YPEL2: variants seen among roughly 807,000 people sequenced by gnomAD.
YPEL2 encodes yippee like 2.
YPEL2 carries 2 observed loss-of-function variants against 19.1 expected under a neutral mutation model. The ratio of observed to expected loss-of-function variants is 0.10; its 90% confidence interval spans 0.04 to 0.33. The LOEUF (loss-of-function observed/expected upper bound fraction) is 0.33, where lower values mean the gene tolerates loss of function less well. Among genes scored for constraint, YPEL2 ranks in the 10% least tolerant of loss-of-function variants. The pLI, the probability that YPEL2 is intolerant of heterozygous loss-of-function variation, is 1.00. For synonymous variants in YPEL2, 52 were observed against 50.0 expected (o/e 1.04, Z -0.17); for missense variants, 66 against 140.7 (o/e 0.47, Z 2.68).
At chr17:59,361,562 T>G (rs2147943779) in intron 2 of YPEL2, among the ~76,000 whole-genome samples, 1 of 152,308 alleles carries the variant, frequency 6.6e-6, no homozygotes, top group African/African-American at 2.4e-5. Flanking sequence ...CTAAGACTGG[T>G]AGATTCTCAG....
chr17:59,340,485 A>G (rs112983486), intron 1 of YPEL2, among the ~76,000 whole-genome samples: 6,682 of 146,004 alleles, frequency 0.046, 522 homozygotes, highest in African/African-American at 0.16. Context: ...GTGCGATCTC[A>G]GCTCACTGCA....
chr17:59,391,511 A>T (rs1467578194), intron 4 of YPEL2, among the ~76,000 whole-genome samples: 1 of 152,106 alleles, frequency 6.6e-6, no homozygotes, highest in Non-Finnish European at 1.5e-5. Flanking sequence ...AAAATGTGGA[A>T]ATCATTAAAA....
intron 2 of YPEL2, among the ~76,000 whole-genome samples, chr17:59,377,250 T>G (rs756723801): frequency 1.7e-4 from 26 of 152,098 alleles, no homozygotes; most frequent in Non-Finnish European, 3.2e-4. Flanking sequence ...CTAGGCATAT[T>G]AATTTATATT....
chr17:59,337,311 C>A (rs970090406), intron 1 of YPEL2, among the ~76,000 whole-genome samples: 2 of 151,740 alleles, frequency 1.3e-5, no homozygotes, highest in Admixed American at 1.3e-4. Flanking sequence ...CCTCAGCCTC[C>A]CGAGTAGCTG....
intron 4 of YPEL2, among the ~76,000 whole-genome samples, chr17:59,395,176 T>C (rs1009272292): frequency 6.6e-6 from 1 of 152,188 alleles, no homozygotes. Flanking sequence ...ATGGACCTTA[T>C]TCCCAAAACA....
At chr17:59,339,753 T>C (rs577668559) in intron 1 of YPEL2, among the ~76,000 whole-genome samples, 2 of 152,242 alleles carry the variant, frequency 1.3e-5, no homozygotes, top group Non-Finnish European at 2.9e-5. Flanking sequence ...CTTGGGCAAA[T>C]TGTTCCTTTT....
intron 1 of YPEL2, among the ~76,000 whole-genome samples, chr17:59,352,445 A>G (rs1317040043): frequency 6.6e-6 from 1 of 152,208 alleles, no homozygotes; most frequent in African/African-American, 2.4e-5. Context: ...GTATGGTCCT[A>G]TGGGATGAGT....
chr17:59,352,170 T>C (rs2047790667), intron 1 of YPEL2, among the ~76,000 whole-genome samples: 1 of 152,252 alleles, frequency 6.6e-6, no homozygotes, highest in African/African-American at 2.4e-5. Context: ...CTTCAAAGCA[T>C]GACGCAGGTG....
rs2047976307 is a variant in YPEL2, at chr17:59,385,672, A to G, written c.118-2655A>G. On this transcript the variant is annotated intron_variant, in intron 2 of 4. Coordinates refer to ENST00000312655, the MANE Select transcript of YPEL2 (RefSeq NM_001005404.4). ...TAAGAGGATGAGGAGGGGAGGATTC[A>G]GAGGGATATGAGGAGATGTTTGGGT... Among the ~76,000 whole-genome samples the G allele has an allele frequency of 2.6e-5, 4 of 152,292 alleles. No homozygotes were observed. In the South Asian group the frequency reaches 8.3e-4, roughly 32 times the overall value.
chr17:59,349,358 C>CTTTTTTTTTTTTT (rs58304283), intron 1 of YPEL2, among the ~76,000 whole-genome samples: 11 of 119,212 alleles, frequency 9.2e-5, no homozygotes, highest in African/African-American at 2.6e-4. Flanking sequence ...CCTTTTTTTT[C>CTTTTTTTTTTTTT]TTTTTTTTTT....
At chr17:59,390,988 G>A (rs932440089) in intron 4 of YPEL2, among the ~76,000 whole-genome samples, 4 of 152,224 alleles carry the variant, frequency 2.6e-5, no homozygotes, top group Admixed American at 6.5e-5. Flanking sequence ...GCATATGTCA[G>A]TGAAAATTAA....
chr17:59,346,342 T>A (rs1359744103), intron 1 of YPEL2, among the ~76,000 whole-genome samples: 2 of 152,224 alleles, frequency 1.3e-5, no homozygotes, highest in Non-Finnish European at 2.9e-5. Context: ...GTTTGTTTTT[T>A]AAACCTAGAC....
chr17:59,350,201 G>T (rs2047781140), intron 1 of YPEL2, among the ~76,000 whole-genome samples: 3 of 151,974 alleles, frequency 2.0e-5, no homozygotes, highest in Non-Finnish European at 2.9e-5. Context: ...CTCTCAAGTA[G>T]CTGGGATCAC....
intron 1 of YPEL2, among the ~76,000 whole-genome samples, chr17:59,343,533 A>C (rs2047741926): frequency 6.6e-6 from 1 of 152,158 alleles, no homozygotes; most frequent in Non-Finnish European, 1.5e-5. Flanking sequence ...ACTGGAGCTG[A>C]GTATTAAGGG....
intron 4 of YPEL2, among the ~76,000 whole-genome samples, chr17:59,391,812 A>G (rs1388912689): frequency 6.6e-6 from 1 of 152,106 alleles, no homozygotes; most frequent in East Asian, 1.9e-4. Context: ...AGGCAGGAGA[A>G]TCGCTTGAAC....
At chr17:59,375,735 G>A (rs1455719272) in intron 2 of YPEL2, among the ~76,000 whole-genome samples, 1 of 152,190 alleles carries the variant, frequency 6.6e-6, no homozygotes. Context: ...TGTCTTTGTT[G>A]AAGGTAAACC....
intron 2 of YPEL2, among the ~76,000 whole-genome samples, chr17:59,379,118 C>A (rs980700001): frequency 6.6e-6 from 1 of 152,178 alleles, no homozygotes; most frequent in African/African-American, 2.4e-5. Context: ...TGGAATAAAT[C>A]CCCTTCAGTC....
At chr17:59,358,828 G>A (rs1005428574) in intron 2 of YPEL2, among the ~76,000 whole-genome samples, 4 of 151,226 alleles carry the variant, frequency 2.6e-5, no homozygotes, top group African/African-American at 7.3e-5. Context: ...GGCTGATCTC[G>A]AACTCCTGAC....
At chr17:59,332,055 C>A (rs916807321) in intron 1 of YPEL2, among the ~76,000 whole-genome samples, 4 of 151,968 alleles carry the variant, frequency 2.6e-5, no homozygotes, top group Non-Finnish European at 4.4e-5. Flanking sequence ...GGCCCGCGGC[C>A]GCTCGCGGAG....
Sources: gnomAD v4.1 joint callset for allele counts (sites outside exome capture counted in the v4.1 genomes callset) on GRCh38, gnomAD v4.1.1 for gene constraint, MANE v1.5 for transcripts, NCBI Gene and HGNC (gene_info 2026-07-23, HGNC 2026-07-21) for gene names.